Variants in SLC35A3 observed in about 807,000 individuals in gnomAD.
The protein encoded by SLC35A3 is solute carrier family 35 member A3, also known as UDP-N-acetylglucosamine transporter.
A neutral mutation model predicts 39.0 loss-of-function variants in SLC35A3; 26 were observed. The ratio of observed to expected loss-of-function variants is 0.67; its 90% CI spans 0.49 to 0.92. The LOEUF is 0.92. Among genes scored for constraint, SLC35A3 ranks in the 40% least tolerant of loss-of-function variants. SLC35A3 has a pLI of 0.00. For synonymous variants in SLC35A3, 135 were observed against 133.1 expected, an observed-to-expected ratio of 1.01 and a Z score of -0.10; for missense variants, 299 against 371.6, an observed-to-expected ratio of 0.80 and a Z score of 1.61.
chr1:99,986,829 C>G (rs889275024), intron 1 of SLC35A3, among the ~76,000 whole-genome samples: 5 of 152,190 alleles, frequency 3.3e-5, no homozygotes, highest in African/African-American at 1.2e-4. Context: ...GTCAAGTGAT[C>G]TGCACACCTG....
At chr1:99,979,669 C>A (rs1224492851) in intron 1 of SLC35A3, among the ~76,000 whole-genome samples, 1 of 151,186 alleles carries the variant, frequency 6.6e-6, no homozygotes, top group Non-Finnish European at 1.5e-5. Flanking sequence ...TCCTCTATCT[C>A]GTGATCTGCC....
Position 100,027,879 on chromosome 1 carries a change from A to G in SLC35A3, c.*5403A>G, listed in dbSNP as rs965436875. The G allele has an allele frequency of 4.0e-5, 6 of 151,422 alleles. No homozygotes were observed. The highest frequency in any genetic ancestry group is 1.2e-4 in the African/African-American group (5 of 41,216). 9.4% of individuals were successfully genotyped at this position (151,422 alleles called of 1,614,324 possible). A position where few individuals can be genotyped will look rare whatever the true frequency, so the allele number is the denominator to read the frequency against. On this transcript the variant is annotated 3_prime_UTR_variant, in exon 8 of 8. Coordinates refer to ENST00000533028, the MANE Select transcript of SLC35A3 (RefSeq NM_012243.3). ...CTTCTTTTGTTGGAAATATATCACA[A>G]TCCTCAAGTTCCACTGCTATGCAAA...
intron 5 of SLC35A3, among the ~76,000 whole-genome samples, chr1:100,013,497 A>T (rs1023526469): frequency 6.7e-6 from 1 of 150,324 alleles, no homozygotes; most frequent in Non-Finnish European, 1.5e-5. Flanking sequence ...CCTGTGGTCC[A>T]AGCTACTTCG....
At position 100,035,553 on chromosome 1, in the gene SLC35A3, C is replaced by A. The variant is rs1661451565; in HGVS notation, c.*13077C>A. ...TTCCTTTTGTTTTGTAACTGTGTCC[C>A]CCACTAGAATGTAAGCTCTGTGCAG... On this transcript the variant is annotated 3_prime_UTR_variant, in exon 8 of 8. Transcript: ENST00000533028. 6.6e-6 allele frequency: 1 copy of A among 152,130 alleles called. No homozygotes were observed. Among genetic ancestry groups the A allele is most frequent in the African/African-American group, 2.4e-5 (1 of 41,426 alleles). 9.4% of individuals were successfully genotyped at this position (152,130 alleles called of 1,614,324 possible).
At chr1:100,000,589 T>C (rs1658704416) in intron 3 of SLC35A3, 1 of 152,150 alleles carries the variant, frequency 6.6e-6, no homozygotes, top group Non-Finnish European at 1.5e-5. Context: ...TCTATTTTTG[T>C]TTTCATTGCC....
At chr1:99,990,995 G>A (rs534098865) in intron 1 of SLC35A3, among the ~76,000 whole-genome samples, 1 of 152,306 alleles carries the variant, frequency 6.6e-6, no homozygotes, top group Admixed American at 6.5e-5. Context: ...CTTCCAGCCT[G>A]CAGAACTGTG....
In SLC35A3 at chr1:100,024,797, T is replaced by C. The variant is rs1472597506; in HGVS notation, c.*2321T>C. 4 of 394,886 alleles carry C rather than the reference T, an allele frequency of 1.0e-5. No homozygotes were observed. Among genetic ancestry groups the C allele is most frequent in the African/African-American group, 8.2e-5 (4 of 48,488 alleles). The allele number at this position is 394,886 out of a possible 1,614,324, so 24.5% of individuals were successfully genotyped here. On this transcript the variant is annotated 3_prime_UTR_variant, in exon 8 of 8. Coordinates refer to ENST00000533028, the MANE Select transcript of SLC35A3 (RefSeq NM_012243.3). The stretch of plus-strand genomic sequence containing the variant: ...TGCGCCCGGCCTATACTGTATATAT[T>C]TTTAAAGACTGTTCTAATAGATATA...
chr1:99,979,704 G>T (rs1657335725), intron 1 of SLC35A3, among the ~76,000 whole-genome samples: 2 of 148,698 alleles, frequency 1.3e-5, no homozygotes, highest in Non-Finnish European at 3.0e-5. Flanking sequence ...AAAGTGCTGG[G>T]ATTACAGACG....
chr1:99,976,985 AAAG>A (rs1657143296), intron 1 of SLC35A3, among the ~76,000 whole-genome samples: 1 of 152,218 alleles, frequency 6.6e-6, no homozygotes, highest in Non-Finnish European at 1.5e-5. Flanking sequence ...GGGGAAAAAA[AAAG>A]AATGTTTGAC....
intron 3 of SLC35A3, among the ~76,000 whole-genome samples, chr1:100,004,309 T>G (rs969927274): frequency 2.0e-5 from 3 of 152,216 alleles, no homozygotes; most frequent in African/African-American, 7.2e-5. Flanking sequence ...TAAGCACTTT[T>G]TTTGTTTGTT....
chr1:100,034,652 C>T lies in SLC35A3; in HGVS notation c.*12176C>T, dbSNP rs1163022581. The T allele has an allele frequency of 6.6e-6, 1 of 150,882 alleles. No individual in the cohort carries two copies. 9.3% of individuals were successfully genotyped at this position (150,882 alleles called of 1,614,324 possible). ...TGGAGGGTAGAAGGGATGTGGGTGA[C>T]TTACTCAGTTTTTAGTTAAAGAGGA... On this transcript the variant is annotated 3_prime_UTR_variant, in exon 8 of 8. Transcript: ENST00000533028.
At chr1:99,987,110 T>C (rs1379042274) in intron 1 of SLC35A3, among the ~76,000 whole-genome samples, 1 of 152,236 alleles carries the variant, frequency 6.6e-6, no homozygotes, top group Non-Finnish European at 1.5e-5. Flanking sequence ...TACAATAGCA[T>C]GTAGTGGGAG....
At chr1:99,981,703 A>C (rs1657457259) in intron 1 of SLC35A3, among the ~76,000 whole-genome samples, 1 of 151,334 alleles carries the variant, frequency 6.6e-6, no homozygotes, top group Non-Finnish European at 1.5e-5. Context: ...CTTGGCTCGA[A>C]CTCCTGGCCT....
rs886680688 is a variant in SLC35A3, at chr1:100,006,932, A to C, written c.343-102A>C. On this transcript the variant is annotated intron_variant, in intron 3 of 7. Coordinates refer to ENST00000533028, the MANE Select transcript of SLC35A3 (RefSeq NM_012243.3). The stretch of plus-strand genomic sequence containing the variant: ...CAGTTCCCAGCCAGATGCAACCACC[A>C]GGCATGCTGCCATAGTCCTTAAAAT... 3 of 1,314,106 alleles carry C rather than the reference A, an allele frequency of 2.3e-6. No homozygotes were observed. In the South Asian group the frequency reaches 5.0e-5, roughly 22 times the overall value. The allele number at this position is 1,314,106 out of a possible 1,614,324, so 81.4% of individuals were successfully genotyped here. A position where few individuals can be genotyped will look rare whatever the true frequency, so the allele number is the denominator to read the frequency against.
intron 1 of SLC35A3, among the ~76,000 whole-genome samples, chr1:99,973,316 T>C (rs1480214912): frequency 6.6e-6 from 1 of 152,190 alleles, no homozygotes; most frequent in Non-Finnish European, 1.5e-5. Flanking sequence ...GAGTATTAAT[T>C]TATTATTAAA....
At chr1:99,997,408 TTTTATATATATATATATATATA>T (rs1359585645) in intron 2 of SLC35A3, among the ~76,000 whole-genome samples, 5 of 55,722 alleles carry the variant, frequency 9.0e-5, no homozygotes, top group South Asian at 8.4e-4. Flanking sequence ...TTATATATAG[TTTTATATATATATATATATATA>T]TATATATATA....
chr1:99,970,481 G>C, intron 1 of SLC35A3: 1 of 1,262,696 alleles, frequency 7.9e-7, no homozygotes, highest in Non-Finnish European at 1.1e-6. Context: ...TGGTGCGTGC[G>C]GAGCTAGTGA....
chr1:99,972,601 G>T (rs1386296311), intron 1 of SLC35A3, among the ~76,000 whole-genome samples: 1 of 152,054 alleles, frequency 6.6e-6, no homozygotes, highest in Non-Finnish European at 1.5e-5. Flanking sequence ...CTCCTAAAGT[G>T]CTGGAATTAC....
At chr1:99,970,456 G>A in intron 1 of SLC35A3, 2 of 926,502 alleles carry the variant, frequency 2.2e-6, no homozygotes, top group Non-Finnish European at 3.3e-6. Flanking sequence ...AGACGGCAGT[G>A]TGTGCCTCAG....
Sources: gnomAD v4.1 joint callset for allele counts (sites outside exome capture counted in the v4.1 genomes callset) on GRCh38, gnomAD v4.1.1 for gene constraint, MANE v1.5 for transcripts, NCBI Gene and HGNC (gene_info 2026-07-23, HGNC 2026-07-21) for gene names.